CCDC38: variants seen among roughly 807,000 people sequenced by gnomAD.
CCDC38 encodes the protein coiled-coil domain containing 38.
Under a neutral mutation model 72.8 loss-of-function variants are expected in CCDC38, and 69 were observed. The ratio of observed to expected loss-of-function variants is 0.95; its 90% CI spans 0.78 to 1.16. CCDC38 has a LOEUF of 1.16. CCDC38 is among the 50% of genes most tolerant of loss of function. The pLI is 0.00. For missense variants in CCDC38, 626 were observed against 638.9 expected, an observed-to-expected ratio of 0.98 and a Z score of 0.22; for synonymous variants, 201 against 213.2, an observed-to-expected ratio of 0.94 and a Z score of 0.50.
chr12:95,927,606 G>A (rs970348299), intron 2 of CCDC38, among the ~76,000 whole-genome samples: 4 of 152,212 alleles, frequency 2.6e-5, no homozygotes, highest in South Asian at 2.1e-4. Context: ...TATTTTGCTC[G>A]TTAGTTCATG....
In CCDC38 at chr12:95,867,317, A is replaced by G. The variant is rs1485660427; in HGVS notation, c.1579-128T>C. ...ATATGGTTTGTAACATTAACTAATC[A>G]CAGTTAAAAGGGACTTATAACCTAA... On this transcript the variant is annotated intron_variant, in intron 15 of 15. Transcript: ENST00000344280. 7.8e-6 allele frequency: 5 copies of G among 637,826 alleles called. No individual in the cohort carries two copies. The Admixed American group carries it at 1.5e-4, about 19-fold the overall frequency. The allele number at this position is 637,826 out of a possible 1,614,324, so 39.5% of individuals were successfully genotyped here. A position where few individuals can be genotyped will look rare whatever the true frequency, so the allele number is the denominator to read the frequency against.
intron 15 of CCDC38, 83 bp from the exon 16 acceptor site, chr12:95,867,272 C>T (rs534880560): frequency 4.0e-6 from 3 of 741,146 alleles, no homozygotes; most frequent in African/African-American, 3.6e-5. Context: ...CCAATATTAA[C>T]TTGATTTTTA....
intron 10 of CCDC38, among the ~76,000 whole-genome samples, chr12:95,887,842 C>T (rs2079777574): frequency 6.6e-6 from 1 of 152,158 alleles, no homozygotes; most frequent in South Asian, 2.1e-4. Context: ...ACAAAAAAAT[C>T]TGTGCCAAAT....
intron 8 of CCDC38, among the ~76,000 whole-genome samples, chr12:95,891,864 C>A (rs1311647063): frequency 6.6e-6 from 1 of 152,146 alleles, no homozygotes; most frequent in Non-Finnish European, 1.5e-5. Context: ...AAAGGTTTAA[C>A]AACCAACTCT....
intron 10 of CCDC38, among the ~76,000 whole-genome samples, chr12:95,881,950 A>G (rs1331991662): frequency 2.6e-5 from 4 of 152,228 alleles, no homozygotes; most frequent in Non-Finnish European, 5.9e-5. Context: ...TCTCAAAATG[A>G]AAGCTGTATC....
At chr12:95,906,980 G>C (rs1449109140) in intron 4 of CCDC38, among the ~76,000 whole-genome samples, 1 of 151,318 alleles carries the variant, frequency 6.6e-6, no homozygotes, top group Non-Finnish European at 1.5e-5. Flanking sequence ...GCCTTCCGCA[G>C]CGTTTGTGTC....
intron 10 of CCDC38, among the ~76,000 whole-genome samples, chr12:95,886,264 A>G (rs553691784): frequency 1.3e-5 from 2 of 152,358 alleles, no homozygotes; most frequent in African/African-American, 4.8e-5. Context: ...ATACACAGGC[A>G]AAAAAGCACC....
At chr12:95,926,781 T>G (rs1444198308) in intron 2 of CCDC38, among the ~76,000 whole-genome samples, 16 of 151,766 alleles carry the variant, frequency 1.1e-4, no homozygotes, top group Admixed American at 5.9e-4. Flanking sequence ...CTTTATTTCT[T>G]CCTTCATTTG....
intron 10 of CCDC38, chr12:95,885,435 G>T: frequency 5.6e-6 from 1 of 179,610 alleles, no homozygotes; most frequent in South Asian, 1.7e-4. Flanking sequence ...ACATACACCT[G>T]GGAGATAACT....
intron 4 of CCDC38, among the ~76,000 whole-genome samples, chr12:95,915,628 G>A (rs1346736734): frequency 8.0e-6 from 1 of 125,740 alleles, no homozygotes; most frequent in Non-Finnish European, 1.9e-5. Context: ...ATTCAGGCAG[G>A]GGATGCAAGT....
chr12:95,931,315 A>G (rs997003060), intron 2 of CCDC38, among the ~76,000 whole-genome samples: 1 of 152,222 alleles, frequency 6.6e-6, no homozygotes, highest in African/African-American at 2.4e-5. Context: ...TCTTTGAATA[A>G]AAGGACTCTT....
intron 1 of CCDC38, among the ~76,000 whole-genome samples, 180 bp from the exon 2 acceptor site, chr12:95,936,703 C>T (rs1029795968): frequency 6.6e-6 from 1 of 152,122 alleles, no homozygotes; most frequent in Non-Finnish European, 1.5e-5. Context: ...AATAATCAGA[C>T]AAGCAGCCAA....
intron 4 of CCDC38, 119 bp downstream of exon 4, chr12:95,917,010 C>G: frequency 1.6e-6 from 1 of 638,666 alleles, no homozygotes; most frequent in South Asian, 3.1e-5. Context: ...TGTACTAAGA[C>G]TCCCTACCAT....
intron 10 of CCDC38, among the ~76,000 whole-genome samples, chr12:95,886,250 T>C (rs559279667): frequency 9.6e-4 from 146 of 152,222 alleles, no homozygotes; most frequent in Non-Finnish European, 1.9e-3. Flanking sequence ...CAGGAGCAAT[T>C]GACATACACA....
At chr12:95,896,133 G>A (rs958941366) in intron 7 of CCDC38, among the ~76,000 whole-genome samples, 7 of 151,742 alleles carry the variant, frequency 4.6e-5, no homozygotes, top group Admixed American at 3.3e-4. Flanking sequence ...CACTTAATGA[G>A]GACCTATTAC....
intron 5 of CCDC38, among the ~76,000 whole-genome samples, chr12:95,902,169 T>C (rs1401327685): frequency 6.6e-6 from 1 of 152,080 alleles, no homozygotes; most frequent in Non-Finnish European, 1.5e-5. Context: ...TTAGAAAAGA[T>C]CAGTAATTGT....
Position 95,879,808 on chromosome 12 carries a change from T to C in CCDC38, c.991-13A>G. 2 of 1,570,902 alleles carry C rather than the reference T, an allele frequency of 1.3e-6. No homozygotes were observed. Among genetic ancestry groups the C allele is most frequent in the Non-Finnish European group, 1.7e-6 (2 of 1,158,432 alleles). ...AAAGTGCTGGCTCCTAATTAATCAATAATGAAGAATATAATTTACTTAAAA... is the reference window on the plus strand; with the variant it reads ...AAAGTGCTGGCTCCTAATTAATCAACAATGAAGAATATAATTTACTTAAAA... On this transcript the variant is annotated splice_polypyrimidine_tract_variant and intron_variant, in intron 11 of 15. Transcript: ENST00000344280. This position sits in a 1 kb window ranked among gnomAD's most constrained non-coding sequence, Gnocchi z 5.5.
chr12:95,892,634 A>T (rs979537354), intron 8 of CCDC38, among the ~76,000 whole-genome samples: 1 of 140,600 alleles, frequency 7.1e-6, no homozygotes, highest in East Asian at 2.1e-4. Flanking sequence ...CAGTGGTGTG[A>T]TCTCAGCTCA....
At chr12:95,899,820 A>G (rs1474288151) in intron 5 of CCDC38, among the ~76,000 whole-genome samples, 1 of 152,176 alleles carries the variant, frequency 6.6e-6, no homozygotes, top group East Asian at 1.9e-4. Flanking sequence ...TAAGGGGTGT[A>G]AATAGAGTGA....
Sources: gnomAD v4.1 joint callset for allele counts (sites outside exome capture counted in the v4.1 genomes callset) on GRCh38, gnomAD v4.1.1 for gene constraint, Gnocchi (gnomAD v3.1) non-coding constraint, MANE v1.5 for transcripts, NCBI Gene and HGNC (gene_info 2026-07-23, HGNC 2026-07-21) for gene names.